NXPH1: variants seen among roughly 807,000 people sequenced by gnomAD.
The protein encoded by NXPH1 is neurexophilin-1.
NXPH1 carries 5 observed loss-of-function variants against 23.7 expected under a neutral mutation model. The ratio of observed to expected loss-of-function variants is 0.21; its 90% CI spans 0.11 to 0.44. The LOEUF is 0.44. Among genes scored for constraint, NXPH1 ranks in the 20% least tolerant of loss-of-function variants. The pLI is 0.99. For synonymous variants in NXPH1, 144 were observed against 122.2 expected, an observed-to-expected ratio of 1.18 and a Z score of -1.18; for missense variants, 324 against 321.6, an observed-to-expected ratio of 1.01 and a Z score of -0.06.
intron 2 of NXPH1, among the ~76,000 whole-genome samples, chr7:8,703,639 T>C (rs1779660691): frequency 6.6e-6 from 1 of 152,124 alleles, no homozygotes; most frequent in Non-Finnish European, 1.5e-5. Context: ...AAGCAAGTTG[T>C]TGGAGGGATT....
At chr7:8,706,363 T>G (rs533527367) in intron 2 of NXPH1, among the ~76,000 whole-genome samples, 1 of 152,324 alleles carries the variant, frequency 6.6e-6, no homozygotes, top group South Asian at 2.1e-4. Context: ...TGTCTCAAAC[T>G]TTTACTACAT....
At chr7:8,615,792 CATAA>C (rs1241441487) in intron 2 of NXPH1, among the ~76,000 whole-genome samples, 2 of 151,916 alleles carry the variant, frequency 1.3e-5, no homozygotes, top group African/African-American at 4.8e-5. Flanking sequence ...CAGGTAATCA[CATAA>C]ATAAATGTAA....
intron 2 of NXPH1, among the ~76,000 whole-genome samples, chr7:8,612,605 T>C (rs186476339): frequency 2.0e-4 from 31 of 152,196 alleles, no homozygotes; most frequent in Admixed American, 1.3e-3. Flanking sequence ...TGCCTTTTGC[T>C]TCTACTCCTG....
At chr7:8,511,527 T>G (rs1301577567) in intron 2 of NXPH1, among the ~76,000 whole-genome samples, 1 of 152,076 alleles carries the variant, frequency 6.6e-6, no homozygotes, top group East Asian at 1.9e-4. Flanking sequence ...CTAGAGACCT[T>G]GACATATCTC....
intron 2 of NXPH1, among the ~76,000 whole-genome samples, chr7:8,710,126 G>A (rs1231715115): frequency 6.6e-6 from 1 of 152,182 alleles, no homozygotes; most frequent in Non-Finnish European, 1.5e-5. Context: ...TTGTTCTTAA[G>A]CATCAGAATT....
chr7:8,561,351 G>GACACACCACAC (rs1818440751), intron 2 of NXPH1, among the ~76,000 whole-genome samples: 5 of 140,856 alleles, frequency 3.5e-5, no homozygotes. Flanking sequence ...AAGCCTATGT[G>GACACACCACAC]ACACACACAC....
intron 2 of NXPH1, among the ~76,000 whole-genome samples, chr7:8,518,524 C>G (rs1004507126): frequency 1.3e-5 from 2 of 152,092 alleles, no homozygotes; most frequent in African/African-American, 4.8e-5. Context: ...GCAGGTCTTG[C>G]TGTGTTATGC....
At chr7:8,689,896 GA>G (rs1452549509) in intron 2 of NXPH1, among the ~76,000 whole-genome samples, 2 of 152,138 alleles carry the variant, frequency 1.3e-5, no homozygotes, top group Non-Finnish European at 2.9e-5. Context: ...AACAAAAGGA[GA>G]CACCACTATT....
chr7:8,743,540 A>G (rs959967280), intron 2 of NXPH1, among the ~76,000 whole-genome samples: 2 of 152,220 alleles, frequency 1.3e-5, no homozygotes, highest in African/African-American at 4.8e-5. Context: ...TCTTTCAACA[A>G]TATTTTAAAA....
At chr7:8,724,179 A>G (rs1307254877) in intron 2 of NXPH1, among the ~76,000 whole-genome samples, 1 of 152,168 alleles carries the variant, frequency 6.6e-6, no homozygotes, top group Non-Finnish European at 1.5e-5. Context: ...TGCCTCAGCC[A>G]GCAGTTACCA....
At chr7:8,447,775 C>T (rs1156876082) in intron 2 of NXPH1, among the ~76,000 whole-genome samples, 1 of 152,212 alleles carries the variant, frequency 6.6e-6, no homozygotes, top group Admixed American at 6.5e-5. Context: ...TGGCCAGATG[C>T]ATTTGCACAG....
At chr7:8,511,848 A>T (rs1044528227) in intron 2 of NXPH1, among the ~76,000 whole-genome samples, 2 of 152,154 alleles carry the variant, frequency 1.3e-5, no homozygotes, top group Admixed American at 1.3e-4. Flanking sequence ...CTTCAATAAG[A>T]CATGGTCCAG....
rs1039787202 is a variant in NXPH1, at chr7:8,435,961, C to G, written c.54+194C>G. On this transcript the variant is annotated intron_variant, in intron 2 of 2. Transcript: ENST00000405863. This position sits in a 1 kb window ranked among gnomAD's most constrained non-coding sequence, Gnocchi z 5.9. ...CGGGGTTCCCACCCCATTTTCTGCT[C>G]CAATCCCCCAGTCTCCTGCGCGTGA... Among the ~76,000 whole-genome samples, 2 of 152,162 alleles carry G rather than the reference C, an allele frequency of 1.3e-5. No individual in the cohort carries two copies. Among genetic ancestry groups the G allele is most frequent in the Non-Finnish European group, 2.9e-5 (2 of 68,022 alleles).
Position 8,592,394 on chromosome 7 carries a change from A to G in NXPH1, c.54+156627A>G, listed in dbSNP as rs111974058. Among the ~76,000 whole-genome samples the G allele has an allele frequency of 3.8e-3, 573 of 152,066 alleles. 3 individuals are homozygous for G. Among genetic ancestry groups the G allele is most frequent in the African/African-American group, 0.013 (546 of 41,510 alleles). On this transcript the variant is annotated intron_variant, in intron 2 of 2. Transcript: ENST00000405863. ...TGTGCATTTCATGGTTATAGTTTAA[A>G]CCGTGCCCATATTTCCATTTTGTAG...
intron 2 of NXPH1, among the ~76,000 whole-genome samples, chr7:8,566,515 G>A (rs2128621409): frequency 6.6e-6 from 1 of 151,902 alleles, no homozygotes; most frequent in East Asian, 2.0e-4. Context: ...CATCTAATGT[G>A]TTGGAGCCTT....
chr7:8,751,232 C>G lies in NXPH1; in HGVS notation c.279C>G (p.Asn93Lys), dbSNP rs376393321. 3.3e-5 allele frequency: 53 copies of G among 1,613,754 alleles called. No individual in the cohort carries two copies. The highest frequency in any genetic ancestry group is 4.2e-5 in the Non-Finnish European group (50 of 1,179,820). Residue 93 changes from asparagine to lysine, a missense_variant, in exon 3 of 3, where the codon AAC (asparagine) becomes AAG (lysine). By Grantham distance (94) the Asn-to-Lys change is moderately conservative. Transcript: ENST00000405863. This position sits in a 1 kb window ranked among gnomAD's most constrained non-coding sequence, Gnocchi z 4.5. The part of the protein sequence containing the change: ...SEQDLWDWLR[N>K]STDLQEPRPR... Reference sequence around the variant, plus strand: ...AAGACCTCTGGGACTGGCTGAGGAACTCCACAGACCTTCAAGAGCCTCGGC... The same window carrying G: ...AAGACCTCTGGGACTGGCTGAGGAAGTCCACAGACCTTCAAGAGCCTCGGC...
intron 2 of NXPH1, among the ~76,000 whole-genome samples, chr7:8,466,297 G>C (rs1244871322): frequency 6.6e-6 from 1 of 152,112 alleles, no homozygotes; most frequent in African/African-American, 2.4e-5. Flanking sequence ...TAAATACAAC[G>C]CTAGTCTGTA....
At chr7:8,726,562 A>G (rs964263239) in intron 2 of NXPH1, among the ~76,000 whole-genome samples, 9 of 135,036 alleles carry the variant, frequency 6.7e-5, no homozygotes, top group African/African-American at 2.5e-4. Context: ...TTCAATTCCC[A>G]CCTATGAGTG....
At chr7:8,566,674 C>T (rs1342121247) in intron 2 of NXPH1, among the ~76,000 whole-genome samples, 1 of 151,728 alleles carries the variant, frequency 6.6e-6, no homozygotes, top group Non-Finnish European at 1.5e-5. Flanking sequence ...GTTCGAAGGC[C>T]TTTGGCTTTG....
Sources: gnomAD v4.1 joint callset for allele counts (sites outside exome capture counted in the v4.1 genomes callset) on GRCh38, gnomAD v4.1.1 for gene constraint, Gnocchi (gnomAD v3.1) non-coding constraint, MANE v1.5 for transcripts, NCBI Gene and HGNC (gene_info 2026-07-23, HGNC 2026-07-21) for gene names.